Variants in SYN3 observed in about 807,000 individuals in gnomAD.
SYN3 encodes the protein synapsin-3.
A neutral mutation model predicts 65.8 loss-of-function variants in SYN3; 35 were observed. The observed-to-expected ratio is 0.53, with a 90% CI of 0.41 to 0.70. SYN3 has a LOEUF of 0.70. Ranked by LOEUF, SYN3 falls within the 30% of genes least tolerant of loss-of-function variation. SYN3 has a pLI of 0.00. For synonymous variants in SYN3, 270 were observed against 292.9 expected, an observed-to-expected ratio of 0.92 and a Z score of 0.80; for missense variants, 680 against 749.0, an observed-to-expected ratio of 0.91 and a Z score of 1.08.
At chr22:32,538,328 T>A (rs1281781029) in intron 8 of SYN3, among the ~76,000 whole-genome samples, 1 of 152,230 alleles carries the variant, frequency 6.6e-6, no homozygotes, top group Non-Finnish European at 1.5e-5. Flanking sequence ...TAGGTATTGT[T>A]TTCTAAGTCA....
At chr22:32,611,582 G>A (rs1025957920) in intron 6 of SYN3, among the ~76,000 whole-genome samples, 4 of 152,024 alleles carry the variant, frequency 2.6e-5, no homozygotes, top group African/African-American at 4.8e-5. Flanking sequence ...TTGAGCCACC[G>A]CACCCAGCTG....
chr22:32,677,214 G>C (rs1169616279), intron 6 of SYN3, among the ~76,000 whole-genome samples: 2 of 152,166 alleles, frequency 1.3e-5, no homozygotes, highest in Non-Finnish European at 2.9e-5. Flanking sequence ...GAGGCTTAGA[G>C]GAAGGAGGAA....
intron 6 of SYN3, among the ~76,000 whole-genome samples, chr22:32,842,212 G>A (rs1013738291): frequency 1.3e-5 from 2 of 152,042 alleles, no homozygotes; most frequent in Admixed American, 6.6e-5. Flanking sequence ...ATTCCAGTAC[G>A]CCGTGATCAC....
intron 3 of SYN3, among the ~76,000 whole-genome samples, chr22:32,972,957 C>T (rs1325433372): frequency 2.0e-5 from 3 of 152,100 alleles, no homozygotes; most frequent in Non-Finnish European, 4.4e-5. Context: ...TACAGTGAAC[C>T]ATGATTACAC....
intron 4 of SYN3, among the ~76,000 whole-genome samples, chr22:32,871,536 C>T (rs560943514): frequency 5.6e-4 from 86 of 152,308 alleles, no homozygotes; most frequent in Admixed American, 2.0e-3. Flanking sequence ...ACAAGAGATC[C>T]CTAGTGCCTT....
At chr22:32,588,326 T>C (rs1260578645) in intron 7 of SYN3, among the ~76,000 whole-genome samples, 1 of 152,182 alleles carries the variant, frequency 6.6e-6, no homozygotes, top group East Asian at 1.9e-4. Flanking sequence ...CCTGAGAGCC[T>C]GAATCTATGA....
chr22:32,773,191 G>A lies in SYN3; in HGVS notation c.711+91724C>T, dbSNP rs553000024. Among the ~76,000 whole-genome samples the A allele has an allele frequency of 3.3e-3, 491 of 149,702 alleles. 2 individuals are homozygous for A. The highest frequency in any genetic ancestry group is 5.6e-3 in the Non-Finnish European group (376 of 67,546). On this transcript the variant is annotated intron_variant, in intron 6 of 13. Coordinates refer to ENST00000358763, the MANE Select transcript of SYN3 (RefSeq NM_003490.4). The stretch of plus-strand genomic sequence containing the variant: ...GGAGGCTGAGGTGGGCAGATTGCCT[G>A]AGCTTAGGAGTTCAAGACCAGCCTG...
intron 6 of SYN3, among the ~76,000 whole-genome samples, chr22:32,725,808 A>G (rs975235478): frequency 2.0e-5 from 3 of 152,358 alleles, no homozygotes; most frequent in South Asian, 2.1e-4. Context: ...CACTAAGTGT[A>G]TGGTCATTTG....
At chr22:32,532,298 G>A (rs1482508588) in intron 10 of SYN3, among the ~76,000 whole-genome samples, 3 of 152,296 alleles carry the variant, frequency 2.0e-5, no homozygotes, top group African/African-American at 7.2e-5. Flanking sequence ...TGGGGTCTCA[G>A]GAGCTGCCGT....
chr22:32,810,881 CCT>C (rs1340814329), intron 6 of SYN3, among the ~76,000 whole-genome samples: 2 of 152,096 alleles, frequency 1.3e-5, no homozygotes, highest in African/African-American at 4.8e-5. Flanking sequence ...GAATAAGCTC[CCT>C]GCCTTTTCGA....
chr22:32,989,361 G>A (rs141267285), intron 2 of SYN3, among the ~76,000 whole-genome samples: 35 of 152,260 alleles, frequency 2.3e-4, no homozygotes, highest in Non-Finnish European at 4.6e-4. Context: ...GTGGAGGGTC[G>A]AGGTCAGCTG....
chr22:32,919,474 G>T (rs1350022807), intron 4 of SYN3, among the ~76,000 whole-genome samples: 2 of 152,186 alleles, frequency 1.3e-5, no homozygotes, highest in Non-Finnish European at 2.9e-5. Context: ...AAAGGAGGAA[G>T]CAGCTTAATG....
intron 6 of SYN3, among the ~76,000 whole-genome samples, chr22:32,620,904 G>A (rs1397722980): frequency 1.3e-5 from 2 of 152,062 alleles, no homozygotes; most frequent in African/African-American, 4.8e-5. Context: ...ATTTTTAGTA[G>A]AGACAGGGTT....
intron 6 of SYN3, among the ~76,000 whole-genome samples, chr22:32,686,108 CTTTT>C (rs1192595743): frequency 6.6e-6 from 1 of 151,998 alleles, no homozygotes; most frequent in African/African-American, 2.4e-5. Flanking sequence ...TTTTCTTGTT[CTTTT>C]TTATTTCTTT....
intron 6 of SYN3, among the ~76,000 whole-genome samples, chr22:32,817,217 CA>C (rs130285): frequency 0.21 from 30,841 of 144,380 alleles, 3,633 homozygotes; most frequent in South Asian, 0.33. Flanking sequence ...GACTCTATCT[CA>C]AAAAAAAAAA....
intron 12 of SYN3, among the ~76,000 whole-genome samples, chr22:32,526,042 A>G (rs2057971322): frequency 6.6e-6 from 1 of 152,236 alleles, no homozygotes; most frequent in South Asian, 2.1e-4. Context: ...AAAGGTTACT[A>G]TTCACCTAGG....
In SYN3 at chr22:32,830,192, G is replaced by A. The variant is rs185548415; in HGVS notation, c.711+34723C>T. On this transcript the variant is annotated intron_variant, in intron 6 of 13. Coordinates refer to ENST00000358763, the MANE Select transcript of SYN3 (RefSeq NM_003490.4). ...TTGGAACCCCTTCGTCCTTTTTCCCGCTGCCCTCTAGCCTCTTCACTGTCT... is the reference window on the plus strand; with the variant it reads ...TTGGAACCCCTTCGTCCTTTTTCCCACTGCCCTCTAGCCTCTTCACTGTCT... 4.5e-4 allele frequency among the ~76,000 whole-genome samples: 68 copies of A among 152,002 alleles called. 1 individual carries two copies. Among genetic ancestry groups the A allele is most frequent in the African/African-American group, 1.3e-3 (54 of 41,456 alleles).
In SYN3 at chr22:32,528,898, T is replaced by C. The variant is rs755669400; in HGVS notation, c.1206A>G (p.Thr402=). 1 of 1,614,146 alleles carries C rather than the reference T, an allele frequency of 6.2e-7. No individual in the cohort carries two copies. Among genetic ancestry groups the C allele is most frequent in the East Asian group, 2.2e-5 (1 of 44,864 alleles). ...CCCAAGGTCTGAGGGGGGAGGGCGC[T>C]GTGCCTCCTGGCATCGGGAGCTGGC... ...KMSQLPMPGG[T]APSPLRPWAP... is the part of the protein sequence containing the mutation. The change falls in exon 11 of 14, where the codon ACA becomes ACG. Residue 402 remains threonine (T), a synonymous_variant. Coordinates refer to ENST00000358763, the MANE Select transcript of SYN3 (RefSeq NM_003490.4).
At chr22:32,572,660 G>A (rs1341863110) in intron 7 of SYN3, among the ~76,000 whole-genome samples, 4 of 150,696 alleles carry the variant, frequency 2.7e-5, no homozygotes, top group East Asian at 2.0e-4. Context: ...ATAGCTCACC[G>A]CAGCCTTGAC....
Sources: gnomAD v4.1 joint callset for allele counts (sites outside exome capture counted in the v4.1 genomes callset) on GRCh38, gnomAD v4.1.1 for gene constraint, MANE v1.5 for transcripts, NCBI Gene and HGNC (gene_info 2026-07-23, HGNC 2026-07-21) for gene names.